HEBP1: variants seen among roughly 807,000 people sequenced by gnomAD.
HEBP1 encodes the protein heme-binding protein 1.
HEBP1 carries 13 observed loss-of-function variants against 20.4 expected under a neutral mutation model. That is an observed-to-expected ratio of 0.64 (90% CI 0.42 to 1.01). The LOEUF is 1.01. Ranked by LOEUF, HEBP1 falls within the 50% of genes least tolerant of loss-of-function variation. The pLI, the probability that HEBP1 is intolerant of heterozygous loss-of-function variation, is 0.00. For missense variants in HEBP1, 241 were observed against 247.3 expected, an observed-to-expected ratio of 0.97 and a Z score of 0.17; for synonymous variants, 92 against 90.7, an observed-to-expected ratio of 1.01 and a Z score of -0.08.
intron 3 of HEBP1, among the ~76,000 whole-genome samples, chr12:12,978,202 T>TG (rs1864022346): frequency 2.1e-5 from 1 of 46,926 alleles, no homozygotes; most frequent in African/African-American, 5.5e-5. Flanking sequence ...CGAAAGGGTT[T>TG]TTTTTTTTTT....
intron 3 of HEBP1, among the ~76,000 whole-genome samples, chr12:12,976,094 A>C (rs1328194033): frequency 1.3e-5 from 2 of 151,582 alleles, no homozygotes; most frequent in African/African-American, 4.8e-5. Flanking sequence ...AAAAAAAAAA[A>C]AAAAACAAAC....
Position 12,975,407 on chromosome 12 carries a change from G to A in HEBP1, c.471C>T (p.Gly157=). 6.2e-7 allele frequency: 1 copy of A among 1,613,224 alleles called. No homozygotes were observed. Among genetic ancestry groups the A allele is most frequent in the Non-Finnish European group, 8.5e-7 (1 of 1,179,642 alleles). Residue 157 remains glycine, a synonymous_variant, in exon 4 of 4, where the codon GGC becomes GGT. Coordinates refer to ENST00000014930, the MANE Select transcript of HEBP1 (RefSeq NM_015987.5). ...QATRLRAALE[G]TATYRGDIYF... is the part of the protein sequence containing the mutation. ...AGATGTCCCCCCGGTAGGTGGCTGTGCCCTCCAGGGCAGCACGCAGACGGG... is the reference window on the plus strand; with the variant it reads ...AGATGTCCCCCCGGTAGGTGGCTGTACCCTCCAGGGCAGCACGCAGACGGG...
At chr12:12,977,868 A>T (rs895597233) in intron 3 of HEBP1, among the ~76,000 whole-genome samples, 1 of 152,094 alleles carries the variant, frequency 6.6e-6, no homozygotes, top group Non-Finnish European at 1.5e-5. Flanking sequence ...CAATGGCAGG[A>T]TTTTTGTTAT....
intron 3 of HEBP1, chr12:12,978,933 C>A (rs528442387): frequency 1.3e-5 from 2 of 152,258 alleles, no homozygotes; most frequent in South Asian, 4.2e-4. Context: ...ATGTAAAAAT[C>A]TCCTTAGACT....
chr12:12,990,717 T>C (rs763818905), intron 1 of HEBP1, among the ~76,000 whole-genome samples: 2 of 152,172 alleles, frequency 1.3e-5, no homozygotes, highest in Non-Finnish European at 2.9e-5. Context: ...ACAAATTAGC[T>C]ACAAGATTAG....
In HEBP1 at chr12:12,986,996, A is replaced by G. The variant is rs1864160507; in HGVS notation, c.398+156T>C. 1 of 689,524 alleles carries G rather than the reference A, an allele frequency of 1.5e-6. No individual in the cohort carries two copies. Among genetic ancestry groups the G allele is most frequent in the East Asian group, 2.5e-5 (1 of 39,590 alleles). 42.7% of individuals were successfully genotyped at this position (689,524 alleles called of 1,614,324 possible). ...CAAATGTGTGTGTGCTGCAGCCTGA[A>G]GAAATTAAAATGAGAAACTGTTAGG... On this transcript the variant is annotated intron_variant, in intron 3 of 3. Coordinates refer to ENST00000014930, the MANE Select transcript of HEBP1 (RefSeq NM_015987.5). The surrounding 1 kb of genome is among the most constrained non-coding windows in gnomAD (Gnocchi z 4.3).
chr12:12,978,391 T>A (rs1028825234), intron 3 of HEBP1, among the ~76,000 whole-genome samples: 1 of 151,726 alleles, frequency 6.6e-6, no homozygotes, highest in African/African-American at 2.4e-5. Flanking sequence ...TTAGTACAGA[T>A]GGGGTTTTGC....
In HEBP1 at chr12:13,000,120, A is replaced by C; in HGVS notation, c.-6T>G. The C allele has an allele frequency of 6.3e-7, 1 of 1,599,718 alleles. No homozygotes were observed. The highest frequency in any genetic ancestry group is 8.5e-7 in the Non-Finnish European group (1 of 1,172,308). Reference sequence around the variant, plus strand: ...TTCTTGATCATGCCCAACATGTTGTAGCCGAGACGCTCCCGACGCACGGGA... The same window carrying C: ...TTCTTGATCATGCCCAACATGTTGTCGCCGAGACGCTCCCGACGCACGGGA... On this transcript the variant is annotated 5_prime_UTR_variant, in exon 1 of 4. Transcript: ENST00000014930.
intron 1 of HEBP1, among the ~76,000 whole-genome samples, chr12:12,990,467 T>C (rs963527587): frequency 6.6e-6 from 1 of 152,122 alleles, no homozygotes; most frequent in African/African-American, 2.4e-5. Context: ...TGAGCCACAA[T>C]TGAAACTGCC....
intron 1 of HEBP1, among the ~76,000 whole-genome samples, chr12:12,999,655 T>C (rs918032232): frequency 6.6e-6 from 1 of 152,258 alleles, no homozygotes; most frequent in South Asian, 2.1e-4. Flanking sequence ...AGTTCTCTAG[T>C]ACTTGGGAGT....
chr12:12,981,460 CAG>C (rs376974014), intron 3 of HEBP1, among the ~76,000 whole-genome samples: 34 of 152,112 alleles, frequency 2.2e-4, no homozygotes, highest in African/African-American at 7.7e-4. Context: ...TGACAGCTAT[CAG>C]GGGGAGAGAA....
At chr12:12,991,687 C>T (rs779075816) in intron 1 of HEBP1, among the ~76,000 whole-genome samples, 1 of 152,146 alleles carries the variant, frequency 6.6e-6, no homozygotes, top group South Asian at 2.1e-4. Context: ...TTTTTTACAG[C>T]CTGTCTTATC....
At chr12:12,987,514 G>A (rs1196695403) in intron 2 of HEBP1, among the ~76,000 whole-genome samples, 182 bp from the exon 3 acceptor site, 1 of 152,116 alleles carries the variant, frequency 6.6e-6, no homozygotes. Context: ...TGTATACGCT[G>A]TTGGTAGGAG....
intron 2 of HEBP1, among the ~76,000 whole-genome samples, chr12:12,988,575 CT>C (rs1264426719): frequency 2.6e-5 from 4 of 152,088 alleles, no homozygotes; most frequent in South Asian, 2.1e-4. Context: ...AAACACATCT[CT>C]TTTTTTTCCT....
rs1026847390 is a variant in HEBP1, at chr12:12,987,243, G to A, written c.307C>T (p.Arg103Trp). The A allele has an allele frequency of 3.8e-5, 62 of 1,613,888 alleles. No homozygotes were observed. Among genetic ancestry groups the A allele is most frequent in the African/African-American group, 8.0e-5 (6 of 74,864 alleles). The change falls in exon 3 of 4, where the codon CGG (arginine) becomes TGG (tryptophan). Residue 103 changes from arginine (R) to tryptophan (W), a missense_variant. Physicochemically the swap from Arg to Trp is moderately radical, Grantham distance 101 (BLOSUM62 -3). Transcript: ENST00000014930. ...SLQKKLKVWF[R>W]IPNQFQSDPP... ...TCGCTTTGAAATTGGTTTGGAATCCGGAACCAGACTTTTAATTTCTTCTGC... is the reference window on the plus strand; with the variant it reads ...TCGCTTTGAAATTGGTTTGGAATCCAGAACCAGACTTTTAATTTCTTCTGC...
chr12:12,987,612 T>TCTCTTTCTCTCTCTC (rs1230851526), intron 2 of HEBP1, among the ~76,000 whole-genome samples: 2 of 117,786 alleles, frequency 1.7e-5, no homozygotes, highest in African/African-American at 3.1e-5. Flanking sequence ...CTCTCTCTCT[T>TCTCTTTCTCTCTCTC]TCTCTCTCTC....
chr12:12,987,612 TTCTCTCTCTC>T (rs71064360), intron 2 of HEBP1, among the ~76,000 whole-genome samples: 2 of 117,786 alleles, frequency 1.7e-5, no homozygotes, highest in African/African-American at 6.2e-5. Context: ...CTCTCTCTCT[TTCTCTCTCTC>T]TCTCTCTCTC....
intron 3 of HEBP1, chr12:12,979,153 C>T (rs1864040813): frequency 6.6e-6 from 1 of 152,118 alleles, no homozygotes; most frequent in Admixed American, 6.6e-5. Context: ...GGTCAAAGGA[C>T]AGTGAGAAGG....
chr12:12,998,136 A>ATTCCC lies in HEBP1; in HGVS notation c.78+1900_78+1901insGGGAA, dbSNP rs1424979901. Among the ~76,000 whole-genome samples the ATTCCC allele has an allele frequency of 4.7e-5, 2 of 42,816 alleles. No individual in the cohort carries two copies. The highest frequency in any genetic ancestry group is 6.5e-5 in the Non-Finnish European group (1 of 15,340). 28.1% of individuals were successfully genotyped at this position (42,816 alleles called of 152,430 possible). A position where few individuals can be genotyped will look rare whatever the true frequency, so the allele number is the denominator to read the frequency against. Reference sequence around the variant, plus strand: ...TCACTCCTAATACTCCCTATTCCTCACTCCCCTGCTTGCTTTTCTTCACAG... The same window carrying ATTCCC: ...TCACTCCTAATACTCCCTATTCCTCATTCCCCTCCCCTGCTTGCTTTTCTTCACAG... On this transcript the variant is annotated intron_variant, in intron 1 of 3. Transcript: ENST00000014930. The surrounding 1 kb of genome is among the most constrained non-coding windows in gnomAD (Gnocchi z 4.2).
Sources: gnomAD v4.1 joint callset for allele counts (sites outside exome capture counted in the v4.1 genomes callset) on GRCh38, gnomAD v4.1.1 for gene constraint, Gnocchi (gnomAD v3.1) non-coding constraint, MANE v1.5 for transcripts, NCBI Gene and HGNC (gene_info 2026-07-23, HGNC 2026-07-21) for gene names.